The following MARK3 variants were observed in gnomAD, a reference collection of about 807,000 sequenced individuals.
MARK3 encodes the protein microtubule affinity regulating kinase 3, also known as MAP/microtubule affinity-regulating kinase 3.
A neutral mutation model predicts 90.1 loss-of-function variants in MARK3; 46 were observed. That is an observed-to-expected ratio of 0.51 (90% CI 0.40 to 0.65). MARK3 has a LOEUF of 0.65. Ranked by LOEUF, MARK3 falls within the 30% of genes least tolerant of loss-of-function variation. MARK3 has a pLI of 0.00. For synonymous variants in MARK3, 321 were observed against 332.6 expected, an observed-to-expected ratio of 0.97 and a Z score of 0.38; for missense variants, 818 against 947.2, an observed-to-expected ratio of 0.86 and a Z score of 1.79.
rs1212882788 is a variant in MARK3 at position 103,503,427 on chromosome 14, G to T, written c.*200G>T. ...TACATTAAAGATGTGCAACCTATGC[G>T]CCCCCTGCCCTACTTCCGTTACCCT... On this transcript the variant is annotated 3_prime_UTR_variant, in exon 18 of 18. Coordinates refer to ENST00000429436, the MANE Select transcript of MARK3 (RefSeq NM_001128918.3). 1.9e-5 allele frequency: 11 copies of T among 573,280 alleles called. No homozygotes were observed. The highest frequency in any genetic ancestry group is 3.1e-5 in the Non-Finnish European group (10 of 327,054). The allele number at this position is 573,280 out of a possible 1,614,324, so 35.5% of individuals were successfully genotyped here. A position where few individuals can be genotyped will look rare whatever the true frequency, so the allele number is the denominator to read the frequency against.
rs1198439608 is a variant in MARK3, at chr14:103,486,804, C to T, written c.1587-4973C>T. ...GGCCTACTGTAGAAATCAGAAAAAT[C>T]GGAAATATTTTGTTGCTTGCTTTGT... On this transcript the variant is annotated intron_variant, in intron 14 of 17. Transcript: ENST00000429436. Among the ~76,000 whole-genome samples the T allele has an allele frequency of 3.3e-5, 5 of 151,974 alleles. No individual in the cohort carries two copies. In the East Asian group the frequency reaches 5.8e-4, roughly 18 times the overall value.
At chr14:103,412,061 T>G in intron 2 of MARK3, 1 of 438,112 alleles carries the variant, frequency 2.3e-6, no homozygotes, top group Non-Finnish European at 3.8e-6. Context: ...ATGGGATTAG[T>G]TGGTTTTTTG....
At chr14:103,493,786 A>G (rs1467513056) in intron 15 of MARK3, among the ~76,000 whole-genome samples, 2 of 149,988 alleles carry the variant, frequency 1.3e-5, no homozygotes, top group Non-Finnish European at 1.5e-5. Flanking sequence ...GAGACAGGAG[A>G]ATTGCTTGAA....
At chr14:103,389,431 C>T (rs1054559440) in intron 1 of MARK3, among the ~76,000 whole-genome samples, 3 of 137,288 alleles carry the variant, frequency 2.2e-5, no homozygotes, top group Non-Finnish European at 3.1e-5. Context: ...AGGAGGCTGA[C>T]GTGGGAGAAT....
chr14:103,393,346 A>T (rs1476415009), intron 1 of MARK3, among the ~76,000 whole-genome samples: 1 of 152,184 alleles, frequency 6.6e-6, no homozygotes, highest in Admixed American at 6.5e-5. Context: ...GGGCCTTATC[A>T]GAAAAAAGTT....
Position 103,503,644 on chromosome 14 carries a change from G to T in MARK3, c.*417G>T, listed in dbSNP as rs1284422016. ...CCAAGGAGGAAAATACTGAATGACT[G>T]CTAAGAATTAACCTTAAGACCAGTT... is the stretch of plus-strand genomic sequence containing the variant. On this transcript the variant is annotated 3_prime_UTR_variant, in exon 18 of 18. Transcript: ENST00000429436. The T allele has an allele frequency of 5.8e-6, 1 of 173,272 alleles. No homozygotes were observed. The highest frequency in any genetic ancestry group is 2.4e-5 in the African/African-American group (1 of 41,922). The allele number at this position is 173,272 out of a possible 1,614,324, so 10.7% of individuals were successfully genotyped here. A position where few individuals can be genotyped will look rare whatever the true frequency, so the allele number is the denominator to read the frequency against.
chr14:103,443,086 G>C (rs1299148620), intron 3 of MARK3, among the ~76,000 whole-genome samples: 2 of 152,066 alleles, frequency 1.3e-5, no homozygotes, highest in African/African-American at 4.8e-5. Context: ...TATTATAAAG[G>C]AACCTTTTCT....
At chr14:103,483,347 C>T (rs185826675) in intron 14 of MARK3, among the ~76,000 whole-genome samples, 7 of 152,168 alleles carry the variant, frequency 4.6e-5, no homozygotes, top group South Asian at 4.1e-4. Flanking sequence ...AGTGTTCATA[C>T]GGAATTTCAA....
Position 103,490,876 on chromosome 14 carries a change from TAC to T in MARK3, c.1587-895_1587-894del. On this transcript the variant is annotated intron_variant, in intron 14 of 17. Transcript: ENST00000429436. ...TGGCTTGGGAGGAAGGTGTGTGCAT[TAC>T]ACACAGGTTGCTCTGTGGTCACTGC... The T allele has an allele frequency of 3.1e-6, 3 of 962,758 alleles. No homozygotes were observed. In the South Asian group the frequency reaches 6.6e-5, roughly 21 times the overall value. The allele number at this position is 962,758 out of a possible 1,614,324, so 59.6% of individuals were successfully genotyped here. A position where few individuals can be genotyped will look rare whatever the true frequency, so the allele number is the denominator to read the frequency against.
chr14:103,455,671 T>C (rs2093261388), intron 5 of MARK3, among the ~76,000 whole-genome samples: 1 of 143,764 alleles, frequency 7.0e-6, no homozygotes, highest in Non-Finnish European at 1.5e-5. Context: ...GAGGTTGCAG[T>C]GAGCCAAGAT....
At chr14:103,459,679 T>TA (rs968764795) in intron 6 of MARK3, among the ~76,000 whole-genome samples, 12 of 151,112 alleles carry the variant, frequency 7.9e-5, no homozygotes, top group African/African-American at 2.4e-4. Context: ...TTTTATTTTT[T>TA]TTTTTGTAAT....
chr14:103,456,335 C>G lies in MARK3; in HGVS notation c.413-807C>G, dbSNP rs141444283. Among the ~76,000 whole-genome samples, 3 of 152,306 alleles carry G rather than the reference C, an allele frequency of 2.0e-5. No individual in the cohort carries two copies. The East Asian group carries it at 5.8e-4, about 29-fold the overall frequency. On this transcript the variant is annotated intron_variant, in intron 5 of 17. Transcript: ENST00000429436. ...TTAAGAGGTCAGTCTTTTTTCATCT[C>G]TGCTTCTCATCTCACTTGTAGTAGA... is the stretch of plus-strand genomic sequence containing the variant.
At chr14:103,400,713 T>C (rs1263324098) in intron 1 of MARK3, among the ~76,000 whole-genome samples, 1 of 151,694 alleles carries the variant, frequency 6.6e-6, no homozygotes, top group Non-Finnish European at 1.5e-5. Flanking sequence ...CTGGGCAACA[T>C]AGTGAGATCC....
intron 6 of MARK3, among the ~76,000 whole-genome samples, chr14:103,461,693 G>A (rs534262445): frequency 2.0e-5 from 3 of 152,280 alleles, no homozygotes; most frequent in South Asian, 4.2e-4. Context: ...CTGGGTATGG[G>A]CAACTCTCTA....
At chr14:103,394,879 T>G (rs1036837733) in intron 1 of MARK3, among the ~76,000 whole-genome samples, 3 of 152,082 alleles carry the variant, frequency 2.0e-5, no homozygotes, top group African/African-American at 7.2e-5. Flanking sequence ...GCCTCCTGGG[T>G]TCAAGTGATT....
chr14:103,475,280 ATTTT>A, intron 13 of MARK3, 70 bp downstream of exon 13: 1 of 1,306,484 alleles, frequency 7.7e-7, no homozygotes, highest in Non-Finnish European at 1.1e-6. Flanking sequence ...CCAGGTGTTC[ATTTT>A]ACTCCTGTGG....
At chr14:103,415,688 G>C (rs1186153446) in intron 2 of MARK3, among the ~76,000 whole-genome samples, 1 of 152,056 alleles carries the variant, frequency 6.6e-6, no homozygotes, top group Non-Finnish European at 1.5e-5. Flanking sequence ...ACGAACTACA[G>C]AACTCACTTG....
rs541157422 is a variant in MARK3 at position 103,478,580 on chromosome 14, T to C, written c.1483-1807T>C. ...TTTTTTTGAGATGGCATTTCGCTCC[T>C]GTTGCCCAGAGTGCAATGGCACGAT... On this transcript the variant is annotated intron_variant, in intron 13 of 17. Coordinates refer to ENST00000429436, the MANE Select transcript of MARK3 (RefSeq NM_001128918.3). 8.4e-4 allele frequency among the ~76,000 whole-genome samples: 128 copies of C among 152,016 alleles called. 3 individuals are homozygous for C. The South Asian group carries it at 0.021, about 24-fold the overall frequency.
intron 1 of MARK3, among the ~76,000 whole-genome samples, chr14:103,396,777 T>C (rs2090606297): frequency 1.3e-5 from 2 of 152,166 alleles, no homozygotes; most frequent in South Asian, 4.2e-4. Flanking sequence ...TCCCTTCACA[T>C]CTTGGGGTAC....
Sources: allele counts gnomAD v4.1 joint callset (sites outside exome capture counted in the v4.1 genomes callset), GRCh38; gene constraint gnomAD v4.1.1; transcripts MANE v1.5; gene names NCBI Gene and HGNC (gene_info 2026-07-23, HGNC 2026-07-21).